Variants in DBF4B observed in about 807,000 individuals in gnomAD.
DBF4B encodes protein DBF4 homolog B.
DBF4B carries 49 observed loss-of-function variants against 53.4 expected under a neutral mutation model. The ratio of observed to expected loss-of-function variants is 0.92; its 90% CI spans 0.73 to 1.16. The LOEUF (loss-of-function observed/expected upper bound fraction) is 1.16. Among genes scored for constraint, DBF4B ranks in the 50% most tolerant of loss-of-function variants. DBF4B has a pLI of 0.00. For missense variants in DBF4B, 692 were observed against 775.0 expected (o/e 0.89, Z 1.27); for synonymous variants, 257 against 288.7 (o/e 0.89, Z 1.11).
intron 4 of DBF4B, 44 bp downstream of exon 4, chr17:44,730,140 A>G: frequency 6.3e-7 from 1 of 1,587,892 alleles, no homozygotes; most frequent in Non-Finnish European, 8.6e-7. Context: ...AAACAAAGGA[A>G]GTAGGCTTTG....
chr17:44,750,300 C>T lies in DBF4B; in HGVS notation c.1190-295C>T, dbSNP rs1598872408. On this transcript the variant is annotated intron_variant, in intron 13 of 13. Coordinates refer to ENST00000315005, the MANE Select transcript of DBF4B (RefSeq NM_145663.3). ...CCGTGATTCTTCTCACCCTTCTCTG[C>T]GTCCGTGCATTTAAAGAGTTGTCTC... 5 of 1,161,412 alleles carry T rather than the reference C, an allele frequency of 4.3e-6. No homozygotes were observed. In the South Asian group the frequency reaches 1.4e-4, roughly 32 times the overall value. 71.9% of individuals were successfully genotyped at this position (1,161,412 alleles called of 1,614,324 possible). A position where few individuals can be genotyped will look rare whatever the true frequency, so the allele number is the denominator to read the frequency against.
At chr17:44,731,110 A>G in intron 5 of DBF4B, 95 bp downstream of exon 5, 1 of 1,363,880 alleles carries the variant, frequency 7.3e-7, no homozygotes, top group Non-Finnish European at 1.0e-6. Context: ...CCCACACAAA[A>G]TGCACACTCT....
intron 10 of DBF4B, among the ~76,000 whole-genome samples, chr17:44,746,053 C>CAAA (rs61654485): frequency 9.0e-6 from 1 of 110,662 alleles, no homozygotes; most frequent in Admixed American, 1.0e-4. Context: ...ACTAAAAATA[C>CAAA]AAAAAAAAAA....
In DBF4B at chr17:44,750,269, T is replaced by G; in HGVS notation, c.1190-326T>G. On this transcript the variant is annotated intron_variant, in intron 13 of 13. Transcript: ENST00000315005. ...CTGGCCACTTTTTCTTTCATTACAATTTGTACCGTGATTCTTCTCACCCTT... is the reference window on the plus strand; with the variant it reads ...CTGGCCACTTTTTCTTTCATTACAAGTTGTACCGTGATTCTTCTCACCCTT... The G allele has an allele frequency of 1.4e-5, 15 of 1,070,108 alleles. No homozygotes were observed. In the East Asian group the frequency reaches 2.0e-4, roughly 14 times the overall value. 66.3% of individuals were successfully genotyped at this position (1,070,108 alleles called of 1,614,324 possible). A position where few individuals can be genotyped will look rare whatever the true frequency, so the allele number is the denominator to read the frequency against.
At chr17:44,740,418 C>CT (rs1975890423) in intron 9 of DBF4B, among the ~76,000 whole-genome samples, 1 of 152,170 alleles carries the variant, frequency 6.6e-6, no homozygotes, top group East Asian at 1.9e-4. Context: ...CTGCAAATCT[C>CT]TTAAATGTTT....
intron 2 of DBF4B, 49 bp downstream of exon 2, chr17:44,709,415 G>A: frequency 6.2e-7 from 1 of 1,605,258 alleles, no homozygotes; most frequent in South Asian, 1.1e-5. Flanking sequence ...TTGCCCCAGG[G>A]TCTCTTGGAG....
chr17:44,717,689 C>T (rs529849216), intron 2 of DBF4B, among the ~76,000 whole-genome samples: 21 of 112,216 alleles, frequency 1.9e-4, no homozygotes, highest in African/African-American at 7.6e-4. Flanking sequence ...AGCCTGGGTA[C>T]AAAGCAAGAC....
intron 9 of DBF4B, among the ~76,000 whole-genome samples, chr17:44,739,137 C>G (rs1188091014): frequency 1.3e-5 from 2 of 152,178 alleles, no homozygotes; most frequent in Non-Finnish European, 2.9e-5. Context: ...TCCCTCGGAG[C>G]AGGAGGGTCC....
chr17:44,712,550 C>T lies in DBF4B; in HGVS notation c.82+3184C>T, dbSNP rs149210698. 5.6e-3 allele frequency among the ~76,000 whole-genome samples: 852 copies of T among 151,908 alleles called. 8 individuals are homozygous for T. Among genetic ancestry groups the T allele is most frequent in the African/African-American group, 0.019 (802 of 41,468 alleles). On this transcript the variant is annotated intron_variant, in intron 2 of 13. Coordinates refer to ENST00000315005, the MANE Select transcript of DBF4B (RefSeq NM_145663.3). ...TGATCTCCTGGTCTCGTGATCCACC[C>T]GTCTCAGACTCCCAAAGTGCTGGGA... is the stretch of plus-strand genomic sequence containing the variant.
Position 44,751,285 on chromosome 17 carries a change from A to C in DBF4B, c.*32A>C. The C allele has an allele frequency of 6.3e-7, 1 of 1,593,528 alleles. No homozygotes were observed. The highest frequency in any genetic ancestry group is 8.6e-7 in the Non-Finnish European group (1 of 1,169,448). ...ACCCAGAACACCTGAGACTTGACCC[A>C]GGATGGATGGGTGCTGCTTGATGTG... On this transcript the variant is annotated 3_prime_UTR_variant, in exon 14 of 14. Transcript: ENST00000315005.
At position 44,749,414 on chromosome 17, in the gene DBF4B, G is replaced by A. The variant is rs1240368126; in HGVS notation, c.1189+949G>A. On this transcript the variant is annotated intron_variant, in intron 13 of 13. Coordinates refer to ENST00000315005, the MANE Select transcript of DBF4B (RefSeq NM_145663.3). The surrounding 1 kb of genome is among the most constrained non-coding windows in gnomAD (Gnocchi z 4.4). ...GCTGGGTGCTGCACACCCGGCCAGG[G>A]CTGACCAGGACGCAGGAGGGGCAGA... 7.8e-7 allele frequency: 1 copy of A among 1,289,458 alleles called. No homozygotes were observed. Among genetic ancestry groups the A allele is most frequent in the East Asian group, 5.5e-5 (1 of 18,024 alleles). The allele number at this position is 1,289,458 out of a possible 1,614,324, so 79.9% of individuals were successfully genotyped here. A position where few individuals can be genotyped will look rare whatever the true frequency, so the allele number is the denominator to read the frequency against.
At chr17:44,724,300 G>A (rs969421990) in intron 3 of DBF4B, among the ~76,000 whole-genome samples, 1 of 152,188 alleles carries the variant, frequency 6.6e-6, no homozygotes, top group African/African-American at 2.4e-5. Flanking sequence ...AGTAGGCTGA[G>A]GCATGAGACT....
chr17:44,744,824 T>C (rs1464537965), intron 10 of DBF4B, among the ~76,000 whole-genome samples: 1 of 152,224 alleles, frequency 6.6e-6, no homozygotes, highest in East Asian at 1.9e-4. Context: ...TTACTATGAA[T>C]GAGGCTAAGT....
chr17:44,751,909 C>T lies in DBF4B; in HGVS notation c.*656C>T, dbSNP rs2049284124. On this transcript the variant is annotated 3_prime_UTR_variant, in exon 14 of 14. Coordinates refer to ENST00000315005, the MANE Select transcript of DBF4B (RefSeq NM_145663.3). The stretch of plus-strand genomic sequence containing the variant: ...TCTCCTGTCCCCCTGCCCTTCCTCA[C>T]CATTGCCCATTCCCTCGTTCGTTCA... 1 of 1,536,038 alleles carries T rather than the reference C, an allele frequency of 6.5e-7. No individual in the cohort carries two copies. Among genetic ancestry groups the T allele is most frequent in the African/African-American group, 1.4e-5 (1 of 73,014 alleles).
chr17:44,747,291 C>T, intron 11 of DBF4B, 100 bp downstream of exon 11: 1 of 1,594,166 alleles, frequency 6.3e-7, no homozygotes, highest in East Asian at 2.2e-5. Context: ...GCTGCTATGG[C>T]TGTCCTCCAG....
intron 10 of DBF4B, among the ~76,000 whole-genome samples, chr17:44,744,505 C>CA (rs1976413679): frequency 6.6e-6 from 1 of 151,832 alleles, no homozygotes; most frequent in Non-Finnish European, 1.5e-5. Context: ...TTTAACCAGT[C>CA]TGTTATTCAT....
At chr17:44,733,205 G>A (rs1446156085) in intron 6 of DBF4B, among the ~76,000 whole-genome samples, 1 of 151,628 alleles carries the variant, frequency 6.6e-6, no homozygotes, top group African/African-American at 2.4e-5. Context: ...AACAGGTATT[G>A]ACTCTGTGCT....
chr17:44,748,548 A>G, intron 13 of DBF4B, 83 bp downstream of exon 13: 1 of 1,592,046 alleles, frequency 6.3e-7, no homozygotes, highest in Non-Finnish European at 8.6e-7. Flanking sequence ...CTGGACCTAT[A>G]GCAAGCTGCC....
chr17:44,734,038 A>AAG, intron 6 of DBF4B, 52 bp from the exon 7 acceptor site: 2 of 1,478,248 alleles, frequency 1.4e-6, no homozygotes, highest in Admixed American at 3.3e-5. Flanking sequence ...GGGCTGTGCT[A>AAG]GGTAAGTGAA....
Sources: gnomAD v4.1 joint callset for allele counts (sites outside exome capture counted in the v4.1 genomes callset) on GRCh38, gnomAD v4.1.1 for gene constraint, Gnocchi (gnomAD v3.1) non-coding constraint, MANE v1.5 for transcripts, NCBI Gene and HGNC (gene_info 2026-07-23, HGNC 2026-07-21) for gene names.